Variants in MACROD2 observed in about 807,000 individuals in gnomAD.
MACROD2 encodes ADP-ribose glycohydrolase MACROD2.
MACROD2 carries 36 observed loss-of-function variants against 70.4 expected under a neutral mutation model. That is an observed-to-expected ratio of 0.51 (90% CI 0.39 to 0.68). The LOEUF (loss-of-function observed/expected upper bound fraction) is 0.68. MACROD2 is among the 30% of genes least tolerant of loss of function. MACROD2 has a pLI of 0.00. For missense variants in MACROD2, 496 were observed against 538.4 expected, an observed-to-expected ratio of 0.92 and a Z score of 0.78; for synonymous variants, 172 against 178.8, an observed-to-expected ratio of 0.96 and a Z score of 0.30.
At chr20:15,110,654 G>A (rs147702062) in intron 5 of MACROD2, among the ~76,000 whole-genome samples, 151 of 152,258 alleles carry the variant, frequency 9.9e-4, no homozygotes, top group Non-Finnish European at 1.9e-3. Flanking sequence ...TGCCCTTCAC[G>A]CAGTACATGC....
At chr20:15,755,547 CAAAGGGCTCAA>C (rs1178727835) in intron 8 of MACROD2, among the ~76,000 whole-genome samples, 1 of 152,132 alleles carries the variant, frequency 6.6e-6, no homozygotes, top group Non-Finnish European at 1.5e-5. Flanking sequence ...GATTCCTCTA[CAAAGGGCTCAA>C]AAACCTCCCA....
chr20:14,653,647 C>T (rs1189382348), intron 4 of MACROD2, among the ~76,000 whole-genome samples: 1 of 152,026 alleles, frequency 6.6e-6, no homozygotes, highest in Non-Finnish European at 1.5e-5. Flanking sequence ...TGAGCCACTG[C>T]ACCTTGCCTA....
chr20:14,703,880 C>T lies in MACROD2; in HGVS notation c.418+18921C>T, dbSNP rs1017883644. On this transcript the variant is annotated intron_variant, in intron 5 of 17. Transcript: ENST00000684519. The stretch of plus-strand genomic sequence containing the variant: ...TAGCTGGGACTACTGGCGCACACTA[C>T]CACACCTGGCTAATTTTTTGTATTT... Among the ~76,000 whole-genome samples the T allele has an allele frequency of 3.3e-5, 5 of 151,994 alleles. 1 individual carries two copies. The highest frequency in any genetic ancestry group is 7.4e-5 in the Non-Finnish European group (5 of 67,994).
chr20:15,951,718 G>A (rs979425856), intron 12 of MACROD2, among the ~76,000 whole-genome samples: 4 of 152,062 alleles, frequency 2.6e-5, no homozygotes, highest in Non-Finnish European at 5.9e-5. Context: ...TGTGCAAGGC[G>A]ATATTTCTCC....
intron 5 of MACROD2, among the ~76,000 whole-genome samples, chr20:14,706,418 G>A (rs1600567000): frequency 6.6e-6 from 1 of 152,046 alleles, no homozygotes; most frequent in East Asian, 1.9e-4. Context: ...GGATGCTTTG[G>A]CTCTGGTCTT....
At chr20:15,918,101 G>T (rs1416313843) in intron 10 of MACROD2, among the ~76,000 whole-genome samples, 1 of 152,150 alleles carries the variant, frequency 6.6e-6, no homozygotes, top group Non-Finnish European at 1.5e-5. Context: ...ACCTCGTTTT[G>T]TAATCATAAA....
chr20:14,823,021 C>G (rs1469283853), intron 5 of MACROD2, among the ~76,000 whole-genome samples: 2 of 152,022 alleles, frequency 1.3e-5, no homozygotes, highest in Non-Finnish European at 2.9e-5. Context: ...CATGGCCAAA[C>G]CATTGAAGAA....
intron 8 of MACROD2, among the ~76,000 whole-genome samples, chr20:15,847,001 C>G (rs1453054768): frequency 3.0e-5 from 4 of 133,096 alleles, no homozygotes; most frequent in Admixed American, 7.9e-5. Flanking sequence ...GAACTAGGTA[C>G]ATTTTAAATA....
chr20:15,089,886 A>C (rs567811024), intron 5 of MACROD2, among the ~76,000 whole-genome samples: 1 of 152,262 alleles, frequency 6.6e-6, no homozygotes, highest in African/African-American at 2.4e-5. Flanking sequence ...GCTCATAGGA[A>C]GTTCTTGCCT....
At chr20:14,662,000 T>C (rs180876709) in intron 4 of MACROD2, among the ~76,000 whole-genome samples, 12 of 152,242 alleles carry the variant, frequency 7.9e-5, no homozygotes, top group African/African-American at 2.6e-4. Flanking sequence ...GAAATCATTA[T>C]GGACTTCCAT....
rs576682315 is a variant in MACROD2, at chr20:15,214,125, A to G, written c.419-15815A>G. ...TGTGCTTTCTCCAGCTCTTTTTCCT[A>G]TCTGAAGAAGTACACAAAAAATATC... is the stretch of plus-strand genomic sequence containing the variant. On this transcript the variant is annotated intron_variant, in intron 5 of 17. Transcript: ENST00000684519. Among the ~76,000 whole-genome samples the G allele has an allele frequency of 3.9e-5, 6 of 152,210 alleles. No individual in the cohort carries two copies. In the East Asian group the frequency reaches 9.7e-4, roughly 25 times the overall value.
chr20:14,488,006 G>A (rs1233202152), intron 3 of MACROD2, among the ~76,000 whole-genome samples: 1 of 152,048 alleles, frequency 6.6e-6, no homozygotes, highest in Non-Finnish European at 1.5e-5. Flanking sequence ...GTGCTTTCTG[G>A]TTTTATTGAA....
At chr20:14,239,255 T>C (rs2081907705) in intron 3 of MACROD2, among the ~76,000 whole-genome samples, 1 of 152,140 alleles carries the variant, frequency 6.6e-6, no homozygotes. Flanking sequence ...CATTTCATAC[T>C]CATGGATAGG....
chr20:14,934,331 C>T (rs762846121), intron 5 of MACROD2, among the ~76,000 whole-genome samples: 14 of 152,166 alleles, frequency 9.2e-5, no homozygotes, highest in Non-Finnish European at 1.6e-4. Flanking sequence ...GCCACATTCT[C>T]GTTAAGTGAG....
chr20:14,469,967 C>G (rs1295043684), intron 3 of MACROD2, among the ~76,000 whole-genome samples: 2 of 152,016 alleles, frequency 1.3e-5, no homozygotes, highest in Admixed American at 6.5e-5. Flanking sequence ...GTTTTGTTCC[C>G]TTGCTGGTGA....
At chr20:15,350,597 G>A (rs972486975) in intron 6 of MACROD2, among the ~76,000 whole-genome samples, 7 of 152,216 alleles carry the variant, frequency 4.6e-5, no homozygotes, top group African/African-American at 1.4e-4. Context: ...ATTATGCAGA[G>A]TAATTTGAAT....
intron 5 of MACROD2, among the ~76,000 whole-genome samples, chr20:14,916,724 T>G (rs1212712334): frequency 6.6e-6 from 1 of 152,180 alleles, no homozygotes; most frequent in Non-Finnish European, 1.5e-5. Flanking sequence ...TCAACTTTTC[T>G]GTGCATTTGA....
At chr20:15,308,735 C>G (rs1417016211) in intron 6 of MACROD2, among the ~76,000 whole-genome samples, 1 of 152,174 alleles carries the variant, frequency 6.6e-6, no homozygotes, top group East Asian at 1.9e-4. Context: ...TTCAGCACTT[C>G]TTGGCTACAA....
intron 3 of MACROD2, among the ~76,000 whole-genome samples, chr20:14,408,160 A>G (rs899999061): frequency 6.6e-6 from 1 of 152,194 alleles, no homozygotes; most frequent in Non-Finnish European, 1.5e-5. Flanking sequence ...ATCTGTGCAC[A>G]CTTAGTGTGC....
Sources: allele counts gnomAD v4.1 joint callset (sites outside exome capture counted in the v4.1 genomes callset), GRCh38; gene constraint gnomAD v4.1.1; transcripts MANE v1.5; gene names NCBI Gene and HGNC (gene_info 2026-07-23, HGNC 2026-07-21).